Variants in IGSF11 observed in about 807,000 individuals in gnomAD.
IGSF11 encodes the protein CXADR like 1.
A neutral mutation model predicts 41.0 loss-of-function variants in IGSF11; 22 were observed. That is an observed-to-expected ratio of 0.54 (90% CI 0.38 to 0.77). The LOEUF is 0.77. Ranked by LOEUF, IGSF11 falls within the 30% of genes least tolerant of loss-of-function variation. The pLI, the probability that IGSF11 is intolerant of heterozygous loss-of-function variation, is 0.00. For synonymous variants in IGSF11, 219 were observed against 201.3 expected (o/e 1.09, Z -0.74); for missense variants, 444 against 530.8 (o/e 0.84, Z 1.61).
At chr3:118,987,207 G>A (rs1044153489) in intron 1 of IGSF11, among the ~76,000 whole-genome samples, 1 of 152,182 alleles carries the variant, frequency 6.6e-6, no homozygotes, top group Non-Finnish European at 1.5e-5. Context: ...TCAGCTCTGC[G>A]AATGGAATGC....
At chr3:118,950,363 T>C (rs72968610) in intron 1 of IGSF11, among the ~76,000 whole-genome samples, 17,671 of 152,156 alleles carry the variant, frequency 0.12, 1,708 homozygotes, top group African/African-American at 0.25. Flanking sequence ...TAAAATTTTG[T>C]TATTTCCTAT....
chr3:118,905,672 A>G lies in IGSF11; in HGVS notation c.627T>C (p.Ser209=). ...AAGCCACGCACTGGTACAAACCTGAAGACAGGGCACTGATGTTCCGGATGG... is the reference window on the plus strand; with the variant it reads ...AAGCCACGCACTGGTACAAACCTGAGGACAGGGCACTGATGTTCCGGATGG... ...TVTIRNISAL[S]SGLYQCVASN... The change falls in exon 5 of 7, where the codon TCT becomes TCC. Residue 209 remains serine (S), a synonymous_variant. Coordinates refer to ENST00000393775, the MANE Select transcript of IGSF11 (RefSeq NM_001015887.3). The G allele has an allele frequency of 6.2e-7, 1 of 1,613,892 alleles. No individual in the cohort carries two copies. The highest frequency in any genetic ancestry group is 8.5e-7 in the Non-Finnish European group (1 of 1,179,798).
chr3:119,001,545 T>G (rs1208099619), intron 1 of IGSF11, among the ~76,000 whole-genome samples: 1 of 146,450 alleles, frequency 6.8e-6, no homozygotes, highest in Admixed American at 6.7e-5. Context: ...TATGTATACA[T>G]GTGCCATGCT....
intron 1 of IGSF11, among the ~76,000 whole-genome samples, chr3:119,011,550 G>A (rs1449403183): frequency 6.6e-6 from 1 of 151,970 alleles, no homozygotes; most frequent in Non-Finnish European, 1.5e-5. Flanking sequence ...CAGGGCCCAA[G>A]GCAACATAGG....
chr3:118,905,036 T>G (rs1939404433), intron 5 of IGSF11, among the ~76,000 whole-genome samples: 1 of 152,168 alleles, frequency 6.6e-6, no homozygotes, highest in Non-Finnish European at 1.5e-5. Context: ...ATTAAATGAC[T>G]TGCACATTTT....
chr3:118,992,312 TATACTG>T (rs1935865946), intron 1 of IGSF11, among the ~76,000 whole-genome samples: 1 of 152,220 alleles, frequency 6.6e-6, no homozygotes, highest in African/African-American at 2.4e-5. Context: ...GTTATCAACT[TATACTG>T]ATAAATTTTA....
chr3:118,979,517 A>G (rs1362640854), intron 1 of IGSF11, among the ~76,000 whole-genome samples: 1 of 152,222 alleles, frequency 6.6e-6, no homozygotes, highest in African/African-American at 2.4e-5. Flanking sequence ...CTCACCATAT[A>G]CAAAAATCAA....
At chr3:119,029,466 A>T (rs1393507684) in intron 1 of IGSF11, among the ~76,000 whole-genome samples, 1 of 152,182 alleles carries the variant, frequency 6.6e-6, no homozygotes, top group Non-Finnish European at 1.5e-5. Context: ...TCCAGGGTTA[A>T]TTTTTTGTAA....
At chr3:118,918,143 C>T (rs1941367917) in intron 4 of IGSF11, among the ~76,000 whole-genome samples, 1 of 81,948 alleles carries the variant, frequency 1.2e-5, no homozygotes, top group Non-Finnish European at 2.1e-5. Flanking sequence ...AAACCCACAG[C>T]CAATATCATA....
At chr3:118,934,499 A>C (rs1375504482) in intron 1 of IGSF11, among the ~76,000 whole-genome samples, 1 of 152,140 alleles carries the variant, frequency 6.6e-6, no homozygotes, top group Non-Finnish European at 1.5e-5. Context: ...CTATCTCCCT[A>C]CAGAATTTCA....
intron 1 of IGSF11, among the ~76,000 whole-genome samples, chr3:119,119,629 T>C (rs1386870404): frequency 6.6e-6 from 1 of 152,208 alleles, no homozygotes; most frequent in Non-Finnish European, 1.5e-5. Context: ...TGACTGCTTT[T>C]GGAATTCCAT....
rs145135832 is a variant in IGSF11, at chr3:118,911,326, T to C, written c.581-5608A>G. 1.5e-4 allele frequency among the ~76,000 whole-genome samples: 23 copies of C among 152,266 alleles called. No individual in the cohort carries two copies. The East Asian group carries it at 2.7e-3, about 18-fold the overall frequency. On this transcript the variant is annotated intron_variant, in intron 4 of 6. Coordinates refer to ENST00000393775, the MANE Select transcript of IGSF11 (RefSeq NM_001015887.3). ...GATGAAGGAGAAATAAGCACTTGTT[T>C]ATTCAGCACTTTTAGTGGGTGAAAA...
In IGSF11 at chr3:118,900,668, A is replaced by C. The variant is rs1938747080; in HGVS notation, c.*1852T>G. ...AAATTTTATTGAATTTTAGATAATT[A>C]GAAAGAATAAAGAAATGCAAGATAA... is the stretch of plus-strand genomic sequence containing the variant. On this transcript the variant is annotated 3_prime_UTR_variant, in exon 7 of 7. Transcript: ENST00000393775. The C allele has an allele frequency of 6.6e-6, 1 of 152,096 alleles. No individual in the cohort carries two copies. The highest frequency in any genetic ancestry group is 2.2e-4 in the South Asian group (1 of 4,524). 9.4% of individuals were successfully genotyped at this position (152,096 alleles called of 1,614,324 possible). A position where few individuals can be genotyped will look rare whatever the true frequency, so the allele number is the denominator to read the frequency against.
At chr3:118,910,200 G>A (rs151167492) in intron 4 of IGSF11, among the ~76,000 whole-genome samples, 5 of 152,212 alleles carry the variant, frequency 3.3e-5, no homozygotes, top group African/African-American at 7.2e-5. Flanking sequence ...GGCACATGGT[G>A]TTCAAGAAAT....
chr3:119,079,555 A>G (rs1008735529), intron 1 of IGSF11, among the ~76,000 whole-genome samples: 3 of 152,212 alleles, frequency 2.0e-5, no homozygotes, highest in Admixed American at 6.5e-5. Context: ...AGGAATATAA[A>G]TCATTCTTTC....
chr3:119,120,613 G>A (rs2077319230), intron 1 of IGSF11, among the ~76,000 whole-genome samples: 1 of 152,188 alleles, frequency 6.6e-6, no homozygotes, highest in Admixed American at 6.5e-5. Context: ...TTGACCAGGT[G>A]TGCCATTTAC....
At chr3:119,133,902 C>T (rs1053130713) in intron 1 of IGSF11, among the ~76,000 whole-genome samples, 1 of 152,192 alleles carries the variant, frequency 6.6e-6, no homozygotes, top group African/African-American at 2.4e-5. Context: ...CCCTGGGATG[C>T]AAGGCTGATT....
chr3:119,028,652 A>G (rs1940057703), intron 1 of IGSF11, among the ~76,000 whole-genome samples: 1 of 152,086 alleles, frequency 6.6e-6, no homozygotes, highest in African/African-American at 2.4e-5. Context: ...ATTTCAAAAG[A>G]TCTGTAAGGA....
intron 1 of IGSF11, among the ~76,000 whole-genome samples, chr3:118,935,945 G>C (rs1943238415): frequency 6.6e-6 from 1 of 152,110 alleles, no homozygotes; most frequent in Non-Finnish European, 1.5e-5. Context: ...TTAAAGGTAT[G>C]CAGAAGACGA....
Sources: allele counts gnomAD v4.1 joint callset (sites outside exome capture counted in the v4.1 genomes callset), GRCh38; gene constraint gnomAD v4.1.1; transcripts MANE v1.5; gene names NCBI Gene and HGNC (gene_info 2026-07-23, HGNC 2026-07-21).